Variants in ADAM32 observed in about 807,000 individuals in gnomAD.
ADAM32 encodes ADAM metallopeptidase domain 32, also known as disintegrin and metalloproteinase domain-containing protein 32.
A neutral mutation model predicts 114.9 loss-of-function variants in ADAM32; 89 were observed. The observed-to-expected ratio is 0.77, with a 90% CI of 0.65 to 0.92. The LOEUF (loss-of-function observed/expected upper bound fraction) is 0.92. Ranked by LOEUF, ADAM32 falls within the 40% of genes least tolerant of loss-of-function variation. The probability of loss-of-function intolerance (pLI) is 0.00; values close to 1 mark genes in which losing one functional copy is unlikely to be tolerated. For missense variants in ADAM32, 870 were observed against 932.8 expected (o/e 0.93, Z 0.88); for synonymous variants, 285 against 307.5 (o/e 0.93, Z 0.77).
intron 19 of ADAM32, among the ~76,000 whole-genome samples, chr8:39,266,959 TG>T (rs1564720276): frequency 6.6e-6 from 1 of 152,190 alleles, no homozygotes; most frequent in Non-Finnish European, 1.5e-5. Flanking sequence ...GCTCTATCCC[TG>T]GGGGGTTGGG....
chr8:39,153,616 G>A (rs1803976265), intron 6 of ADAM32, among the ~76,000 whole-genome samples: 1 of 152,146 alleles, frequency 6.6e-6, no homozygotes, highest in African/African-American at 2.4e-5. Flanking sequence ...TACAGGTCAG[G>A]ACAACTCTGT....
chr8:39,127,665 A>C (rs1325207133), intron 2 of ADAM32, among the ~76,000 whole-genome samples: 1 of 151,652 alleles, frequency 6.6e-6, no homozygotes, highest in African/African-American at 2.4e-5. Context: ...GATTTTTCAT[A>C]TCTCTATCTC....
Position 39,118,073 on chromosome 8 carries a change from T to C in ADAM32, c.59-13T>C. The stretch of plus-strand genomic sequence containing the variant: ...GCAAGGTTACTAACTTTTTTTTTTT[T>C]TTATCTCTTCAGGTTTTCAAAATTC... On this transcript the variant is annotated splice_polypyrimidine_tract_variant and intron_variant, in intron 1 of 24. Coordinates refer to ENST00000379907, the MANE Select transcript of ADAM32 (RefSeq NM_145004.7). The C allele has an allele frequency of 7.0e-7, 1 of 1,431,404 alleles. No homozygotes were observed. The highest frequency in any genetic ancestry group is 9.3e-7 in the Non-Finnish European group (1 of 1,077,680). The allele number at this position is 1,431,404 out of a possible 1,614,324, so 88.7% of individuals were successfully genotyped here. A position where few individuals can be genotyped will look rare whatever the true frequency, so the allele number is the denominator to read the frequency against.
rs1260995223 is a variant in ADAM32, at chr8:39,246,070, T to A, written c.1819-13T>A. 2 of 1,611,326 alleles carry A rather than the reference T, an allele frequency of 1.2e-6. No homozygotes were observed. The highest frequency in any genetic ancestry group is 4.5e-5 in the East Asian group (2 of 44,784). The stretch of plus-strand genomic sequence containing the variant: ...CTGACATGGGAACTTTTTTTGTATG[T>A]GTTTTTCTTTAGGTTTGTGTAAATC... On this transcript the variant is annotated splice_polypyrimidine_tract_variant and intron_variant, in intron 16 of 24. Coordinates refer to ENST00000379907, the MANE Select transcript of ADAM32 (RefSeq NM_145004.7).
intron 10 of ADAM32, among the ~76,000 whole-genome samples, chr8:39,172,872 TG>T (rs1440179699): frequency 6.6e-6 from 1 of 152,248 alleles, no homozygotes; most frequent in African/African-American, 2.4e-5. Flanking sequence ...ATGGGATTGC[TG>T]GGCTAAATGG....
chr8:39,206,449 C>G (rs1436985998), intron 11 of ADAM32, among the ~76,000 whole-genome samples: 1 of 152,170 alleles, frequency 6.6e-6, no homozygotes. Flanking sequence ...GCACTGAAGT[C>G]AGCAGGTGGG....
At chr8:39,122,844 C>A (rs963571942) in intron 2 of ADAM32, among the ~76,000 whole-genome samples, 2 of 152,258 alleles carry the variant, frequency 1.3e-5, no homozygotes, top group Admixed American at 6.5e-5. Context: ...GTTGGGATTA[C>A]AGGCATGAGC....
intron 17 of ADAM32, among the ~76,000 whole-genome samples, chr8:39,249,374 T>C (rs1811143931): frequency 6.6e-6 from 1 of 152,246 alleles, no homozygotes; most frequent in Non-Finnish European, 1.5e-5. Context: ...ATTCTTTTTA[T>C]GCATTGTTGA....
chr8:39,258,160 G>T (rs775251372), intron 19 of ADAM32, among the ~76,000 whole-genome samples: 7 of 150,494 alleles, frequency 4.7e-5, no homozygotes, highest in Non-Finnish European at 7.4e-5. Context: ...TGAGCAGTCC[G>T]CTCAGAGGTG....
chr8:39,151,671 T>TTA, intron 6 of ADAM32, 123 bp downstream of exon 6: 17 of 677,972 alleles, frequency 2.5e-5, no homozygotes, highest in East Asian at 3.5e-5. Context: ...TGTGAACATC[T>TTA]TATCTTTTTT....
chr8:39,249,553 G>A lies in ADAM32; in HGVS notation c.1902+3387G>A, dbSNP rs75454370. ...CCCTCTGCTTCTGTCTTCTGAAAGA[G>A]ATTGTAAGAGATTATAGAAAATTGG... On this transcript the variant is annotated intron_variant, in intron 17 of 24. Coordinates refer to ENST00000379907, the MANE Select transcript of ADAM32 (RefSeq NM_145004.7). Among the ~76,000 whole-genome samples, 826 of 152,278 alleles carry A rather than the reference G, an allele frequency of 5.4e-3. 9 individuals carry two copies. The highest frequency in any genetic ancestry group is 0.019 in the African/African-American group (787 of 41,546).
chr8:39,181,864 G>T (rs1805917562), intron 10 of ADAM32, among the ~76,000 whole-genome samples: 1 of 152,116 alleles, frequency 6.6e-6, no homozygotes, highest in Non-Finnish European at 1.5e-5. Flanking sequence ...TGATGGAGGG[G>T]TGGCAGTTAT....
chr8:39,211,731 A>G (rs1301009993), intron 12 of ADAM32, among the ~76,000 whole-genome samples: 3 of 152,226 alleles, frequency 2.0e-5, no homozygotes, highest in African/African-American at 7.2e-5. Context: ...CAATATCAAT[A>G]TGAACACTAG....
At chr8:39,262,731 T>C (rs1375678641) in intron 19 of ADAM32, among the ~76,000 whole-genome samples, 1 of 151,788 alleles carries the variant, frequency 6.6e-6, no homozygotes, top group Non-Finnish European at 1.5e-5. Context: ...ATCCTTTCTT[T>C]TTCTCTTGCT....
At chr8:39,144,716 G>A (rs1024653850) in intron 3 of ADAM32, among the ~76,000 whole-genome samples, 8 of 152,178 alleles carry the variant, frequency 5.3e-5, no homozygotes, top group Non-Finnish European at 7.3e-5. Context: ...GTGGTAAAAA[G>A]TTGAAAGTTT....
At chr8:39,200,810 A>G (rs1246859527) in intron 11 of ADAM32, among the ~76,000 whole-genome samples, 2 of 152,184 alleles carry the variant, frequency 1.3e-5, no homozygotes, top group Non-Finnish European at 2.9e-5. Flanking sequence ...ATAAGGTGTA[A>G]GGAAGGGATC....
chr8:39,191,724 C>T lies in ADAM32; in HGVS notation c.1052+4679C>T, dbSNP rs1010975372. ...TGTTTGTTTACTCTGTTGATAGTTT[C>T]TTTTGCTGTGCAGAAGCTCTTTAGT... On this transcript the variant is annotated intron_variant, in intron 11 of 24. Transcript: ENST00000379907. 6.6e-5 allele frequency among the ~76,000 whole-genome samples: 10 copies of T among 152,120 alleles called. 1 individual carries two copies. In the South Asian group the frequency reaches 1.7e-3, roughly 25 times the overall value.
chr8:39,127,461 T>C (rs1802185412), intron 2 of ADAM32, among the ~76,000 whole-genome samples: 1 of 152,214 alleles, frequency 6.6e-6, no homozygotes, highest in Non-Finnish European at 1.5e-5. Flanking sequence ...CTAGTTTATG[T>C]GCATAGAGGT....
At chr8:39,153,352 G>A (rs753753889) in intron 6 of ADAM32, among the ~76,000 whole-genome samples, 2 of 152,164 alleles carry the variant, frequency 1.3e-5, no homozygotes, top group Non-Finnish European at 2.9e-5. Flanking sequence ...GCCCTGCCCA[G>A]AACCCCTCAT....
Sources: allele counts gnomAD v4.1 joint callset (sites outside exome capture counted in the v4.1 genomes callset), GRCh38; gene constraint gnomAD v4.1.1; transcripts MANE v1.5; gene names NCBI Gene and HGNC (gene_info 2026-07-23, HGNC 2026-07-21).